The following ADAR variants were observed in gnomAD, a reference collection of about 807,000 sequenced individuals.
ADAR encodes the protein double-stranded RNA-specific adenosine deaminase.
Under a neutral mutation model 113.2 loss-of-function variants are expected in ADAR, and 41 were observed. That is an observed-to-expected ratio of 0.36 (90% confidence interval 0.28 to 0.47). ADAR has a LOEUF of 0.47. Among genes scored for constraint, ADAR ranks in the 20% least tolerant of loss-of-function variants. ADAR has a pLI of 1.00. For synonymous variants in ADAR, 605 were observed against 572.6 expected (o/e 1.06, Z -0.81); for missense variants, 1,242 against 1,540.9 (o/e 0.81, Z 3.25).
At chr1:154,605,436 AT>A (rs35160350) in intron 1 of ADAR, among the ~76,000 whole-genome samples, 32,910 of 146,928 alleles carry the variant, frequency 0.22, 3,633 homozygotes, top group Non-Finnish European at 0.23. Context: ...GAGCTACTGG[AT>A]TTTTTTTTTT....
intron 1 of ADAR, among the ~76,000 whole-genome samples, chr1:154,626,836 A>G (rs1698950453): frequency 6.6e-6 from 1 of 152,224 alleles, no homozygotes; most frequent in Admixed American, 6.5e-5. Context: ...TTTCCCATAT[A>G]GCAAGCACTA....
In ADAR at chr1:154,584,029, G is replaced by A. The variant is rs1696577756; in HGVS notation, c.*777C>T. 1 of 152,196 alleles carries A rather than the reference G, an allele frequency of 6.6e-6. No individual in the cohort carries two copies. The highest frequency in any genetic ancestry group is 6.5e-5 in the Admixed American group (1 of 15,274). 9.4% of individuals were successfully genotyped at this position (152,196 alleles called of 1,614,324 possible). On this transcript the variant is annotated 3_prime_UTR_variant, in exon 15 of 15. Transcript: ENST00000368474. ...GGAAGTGGTCTGTGTCATCCTGCCG[G>A]GTGAAACCTCTGCTATTGCTTGAGC... is the stretch of plus-strand genomic sequence containing the variant.
chr1:154,602,692 C>T (rs557165310), intron 1 of ADAR, 66 bp from the exon 2 acceptor site: 1 of 1,582,728 alleles, frequency 6.3e-7, no homozygotes, highest in Admixed American at 1.7e-5. Context: ...GTGGAGGCCC[C>T]TCCCTTTGCT....
At chr1:154,593,135 C>CAAAAAAAAAAA (rs66567439) in intron 6 of ADAR, among the ~76,000 whole-genome samples, 11 of 74,658 alleles carry the variant, frequency 1.5e-4, no homozygotes, top group South Asian at 6.7e-4. Flanking sequence ...ACTCCATCTC[C>CAAAAAAAAAAA]AAAAAAAAAA....
At position 154,589,759 on chromosome 1, in the gene ADAR, G is replaced by C; in HGVS notation, c.2666C>G (p.Thr889Arg). The C allele has an allele frequency of 6.2e-7, 1 of 1,614,112 alleles. No individual in the cohort carries two copies. ...GCATGTCTCAGAGCCTCACTCACCT[G>C]TTCCCAAGCTGACGACGACACCCAT... is the stretch of plus-strand genomic sequence containing the variant. ...EDMGVVVSLG[T>R]GNRCVKGDSL... Residue 889 changes from threonine to arginine, a missense_variant and splice_region_variant, in exon 8 of 15, where the codon ACA (threonine) becomes AGA (arginine). Transcript: ENST00000368474.
At position 154,590,262 on chromosome 1, in the gene ADAR, C is replaced by CT; in HGVS notation, c.2417dup (p.Val807GlyfsTer36). The CT allele has an allele frequency of 6.2e-7, 1 of 1,613,950 alleles. No individual in the cohort carries two copies. Among genetic ancestry groups the CT allele is most frequent in the Non-Finnish European group, 8.5e-7 (1 of 1,180,020 alleles). ...GACTGGCCCCTGTCACTGGGGTTAC[C>CT]TCTGTGAAACCCATGCGTTCTGCCT... On this transcript the variant is annotated frameshift_variant, in exon 7 of 15. Coordinates refer to ENST00000368474, the MANE Select transcript of ADAR (RefSeq NM_001111.5). LOFTEE classifies it high-confidence loss of function.
At chr1:154,585,535 G>T in intron 13 of ADAR, 191 bp from the exon 14 acceptor site, 1 of 946,274 alleles carries the variant, frequency 1.1e-6, no homozygotes, top group East Asian at 2.6e-5. Flanking sequence ...ATTAATTCCA[G>T]ACTAAGAGAA....
chr1:154,627,935 A>ACCCCCCCCCCCCC, exon 1 of ADAR: 1 of 241,606 alleles, frequency 4.1e-6, no homozygotes. Context: ...ACCCTCCCCC[A>ACCCCCCCCCCCCC]CCACGTAGCC....
upstream of ADAR, among the ~76,000 whole-genome samples, chr1:154,610,808 C>CAAAAAAAAAAAAAAAA (rs1369386387): frequency 8.9e-4 from 36 of 40,546 alleles, 1 homozygote; most frequent in East Asian, 4.7e-3. Flanking sequence ...GACACCGTCT[C>CAAAAAAAAAAAAAAAA]AAAAAAAAAA....
At chr1:154,603,047 C>A (rs1308951217) in intron 1 of ADAR, among the ~76,000 whole-genome samples, 2 of 152,130 alleles carry the variant, frequency 1.3e-5, no homozygotes, top group East Asian at 3.8e-4. Context: ...ATAACCAGAA[C>A]AATCACATGA....
At chr1:154,621,069 A>C (rs536170413) in intron 1 of ADAR, among the ~76,000 whole-genome samples, 1 of 152,328 alleles carries the variant, frequency 6.6e-6, no homozygotes, top group South Asian at 2.1e-4. Context: ...TATATATGTG[A>C]ATCTTAGTTT....
chr1:154,612,994 G>A (rs1009605945), upstream of ADAR, among the ~76,000 whole-genome samples: 3 of 150,200 alleles, frequency 2.0e-5, no homozygotes, highest in African/African-American at 7.4e-5. Flanking sequence ...TGTATTTTTA[G>A]TAGAGACGGC....
chr1:154,585,202 C>T lies in ADAR; in HGVS notation c.3443+15G>A. 6.2e-7 allele frequency: 1 copy of T among 1,614,160 alleles called. No homozygotes were observed. ...GCAGAGGCTTGGTCCTCACTGCGCT[C>T]TCCTGTCTCCTTACCCATCCACAGT... On this transcript the variant is annotated intron_variant, in intron 14 of 14. Coordinates refer to ENST00000368474, the MANE Select transcript of ADAR (RefSeq NM_001111.5).
chr1:154,586,412 A>C (rs1425750686), intron 11 of ADAR, 49 bp from the exon 12 acceptor site: 1 of 1,587,834 alleles, frequency 6.3e-7, no homozygotes. Context: ...GGACCAAACC[A>C]CTCCCTGGCG....
intron 12 of ADAR, 88 bp from the exon 13 acceptor site, chr1:154,585,953 A>G: frequency 7.6e-7 from 1 of 1,315,494 alleles, no homozygotes; most frequent in Non-Finnish European, 1.1e-6. Flanking sequence ...TGGAGGTACA[A>G]GATATAGTTG....
At chr1:154,587,366 T>C (rs6677920) in intron 11 of ADAR, among the ~76,000 whole-genome samples, 11,459 of 152,256 alleles carry the variant, frequency 0.075, 1,435 homozygotes, top group African/African-American at 0.26. Context: ...TTTATGGATA[T>C]ATTTGATGTT....
intron 13 of ADAR, 179 bp downstream of exon 13, chr1:154,585,574 A>G (rs768272449): frequency 2.3e-5 from 20 of 872,842 alleles, no homozygotes; most frequent in Non-Finnish European, 3.6e-5. Flanking sequence ...AAAAGGAAGA[A>G]AGTTTAAGTT....
At chr1:154,590,767 T>C (rs1385988810) in intron 6 of ADAR, among the ~76,000 whole-genome samples, 3 of 141,704 alleles carry the variant, frequency 2.1e-5, no homozygotes, top group East Asian at 4.1e-4. Flanking sequence ...CCAGGCAACA[T>C]AGCGAGACCC....
At position 154,595,636 on chromosome 1, in the gene ADAR, TAAA is replaced by T. The variant is rs1224313142; in HGVS notation, c.2270+1166_2270+1168del. ...GTATTATTACAAAAGGAACAAAAAA[TAAA>T]AAAGTTAATAAAGTAAAAAATAAAG... On this transcript the variant is annotated intron_variant, in intron 6 of 14. Coordinates refer to ENST00000368474, the MANE Select transcript of ADAR (RefSeq NM_001111.5). Among the ~76,000 whole-genome samples the T allele has an allele frequency of 4.6e-5, 7 of 151,794 alleles. No individual in the cohort carries two copies. The East Asian group carries it at 1.2e-3, about 25-fold the overall frequency.
Sources: allele counts gnomAD v4.1 joint callset (sites outside exome capture counted in the v4.1 genomes callset), GRCh38; gene constraint gnomAD v4.1.1; transcripts MANE v1.5; gene names NCBI Gene and HGNC (gene_info 2026-07-23, HGNC 2026-07-21).